The following PEX13 variants were observed in gnomAD, a reference collection of about 807,000 sequenced individuals.
PEX13 encodes peroxisome biogenesis factor 13.
In PEX13, 28 loss-of-function variants were observed where a neutral mutation model predicts 34.5. The ratio of observed to expected loss-of-function variants is 0.81; its 90% CI spans 0.60 to 1.11. PEX13 has a LOEUF of 1.11. Ranked by LOEUF, PEX13 falls within the 50% of genes most tolerant of loss-of-function variation. The probability of loss-of-function intolerance (pLI) is 0.00; values close to 1 mark genes in which losing one functional copy is unlikely to be tolerated. For missense variants in PEX13, 550 were observed against 491.0 expected (o/e 1.12, Z -1.13); for synonymous variants, 177 against 175.1 (o/e 1.01, Z -0.09).
chr2:61,025,911 A>G (rs1438525608), intron 1 of PEX13, among the ~76,000 whole-genome samples: 1 of 152,034 alleles, frequency 6.6e-6, no homozygotes, highest in Non-Finnish European at 1.5e-5. Context: ...TAAGGTCCCA[A>G]TCTGAAGTGT....
intron 2 of PEX13, among the ~76,000 whole-genome samples, chr2:61,040,857 G>C (rs1302685124): frequency 1.4e-5 from 2 of 147,394 alleles, no homozygotes; most frequent in African/African-American, 5.0e-5. Context: ...GTATATATAT[G>C]TGTATATATA....
At chr2:61,040,522 T>C (rs1408213495) in intron 2 of PEX13, among the ~76,000 whole-genome samples, 3 of 151,630 alleles carry the variant, frequency 2.0e-5, no homozygotes, top group Admixed American at 6.6e-5. Flanking sequence ...CACTCATAGG[T>C]GGGAGTTGAA....
At chr2:61,037,565 A>G (rs1474328160) in intron 2 of PEX13, among the ~76,000 whole-genome samples, 1 of 152,242 alleles carries the variant, frequency 6.6e-6, no homozygotes, top group African/African-American at 2.4e-5. Flanking sequence ...TTTCAAACCA[A>G]GGAAAACAAA....
intron 2 of PEX13, among the ~76,000 whole-genome samples, chr2:61,042,343 A>C (rs75828145): frequency 0.012 from 1,798 of 152,320 alleles, 23 homozygotes; most frequent in East Asian, 0.032. Flanking sequence ...ACTTAGTTAT[A>C]ACTTGATAGC....
intron 1 of PEX13, among the ~76,000 whole-genome samples, chr2:61,023,028 A>G (rs1455616507): frequency 1.3e-5 from 2 of 150,238 alleles, no homozygotes; most frequent in African/African-American, 2.5e-5. Flanking sequence ...TTTTTCAGAC[A>G]GTGTCTCACT....
rs145306412 is a variant in PEX13, at chr2:61,031,351, T to C, written c.93-68T>C. On this transcript the variant is annotated intron_variant, in intron 1 of 3. Transcript: ENST00000295030. ...ATAGCACCAGGTATATAGGAGATGT[T>C]TAATACTTACTTTGAATTGAATTTA... is the stretch of plus-strand genomic sequence containing the variant. 2.6e-6 allele frequency: 3 copies of C among 1,167,668 alleles called. No homozygotes were observed. In the East Asian group the frequency reaches 7.3e-5, roughly 28 times the overall value. 72.3% of individuals were successfully genotyped at this position (1,167,668 alleles called of 1,614,324 possible).
chr2:61,027,909 A>T (rs1680387978), intron 1 of PEX13, among the ~76,000 whole-genome samples: 1 of 152,234 alleles, frequency 6.6e-6, no homozygotes, highest in African/African-American at 2.4e-5. Context: ...TAAAAGAAAA[A>T]AAAATAGAGT....
chr2:61,043,674 A>G (rs1313584540), intron 2 of PEX13, among the ~76,000 whole-genome samples: 8 of 152,252 alleles, frequency 5.3e-5, no homozygotes, highest in Non-Finnish European at 1.5e-5. Flanking sequence ...ATTTGAATTT[A>G]TCATGTGTTA....
chr2:61,040,824 T>C (rs1434627663), intron 2 of PEX13, among the ~76,000 whole-genome samples: 2 of 147,918 alleles, frequency 1.4e-5, no homozygotes, highest in African/African-American at 2.5e-5. Context: ...ATATATATAA[T>C]ATATGTGTAT....
chr2:61,044,847 A>G (rs1281674802), intron 2 of PEX13, among the ~76,000 whole-genome samples: 1 of 152,256 alleles, frequency 6.6e-6, no homozygotes, highest in Admixed American at 6.5e-5. Flanking sequence ...TAACACAAGC[A>G]GTATCTCCAT....
intron 2 of PEX13, among the ~76,000 whole-genome samples, chr2:61,043,641 T>C (rs1410833192): frequency 6.6e-6 from 1 of 152,218 alleles, no homozygotes. Flanking sequence ...CATTGTATTA[T>C]CAGCAGCCAC....
At chr2:61,028,812 C>T (rs1680402421) in intron 1 of PEX13, among the ~76,000 whole-genome samples, 1 of 152,196 alleles carries the variant, frequency 6.6e-6, no homozygotes, top group African/African-American at 2.4e-5. Context: ...AGTGTGTGAG[C>T]CTTAATTGAA....
At chr2:61,029,757 A>C (rs1266871606) in intron 1 of PEX13, among the ~76,000 whole-genome samples, 1 of 151,548 alleles carries the variant, frequency 6.6e-6, no homozygotes, top group Non-Finnish European at 1.5e-5. Context: ...GGCTGCGGTG[A>C]GCTATGATCA....
At chr2:61,040,351 G>A (rs1210354189) in intron 2 of PEX13, among the ~76,000 whole-genome samples, 2 of 152,120 alleles carry the variant, frequency 1.3e-5, no homozygotes, top group African/African-American at 4.8e-5. Context: ...GTCCATCAAT[G>A]ATAGACTGGA....
chr2:61,027,355 A>C (rs892155728), intron 1 of PEX13, among the ~76,000 whole-genome samples: 3 of 150,712 alleles, frequency 2.0e-5, no homozygotes. Context: ...AAAAAAAACA[A>C]AACACACACA....
At chr2:61,045,631 T>C (rs977547000) in intron 2 of PEX13, 95 bp from the exon 3 acceptor site, 7 of 1,115,716 alleles carry the variant, frequency 6.3e-6, no homozygotes, top group Admixed American at 3.7e-5. Context: ...GACTTTTCTC[T>C]TGGCAAATTT....
intron 1 of PEX13, among the ~76,000 whole-genome samples, chr2:61,030,631 G>C (rs560462122): frequency 6.6e-6 from 1 of 152,290 alleles, no homozygotes; most frequent in Admixed American, 6.5e-5. Context: ...TTGTTAATGA[G>C]TTAACAATAT....
chr2:61,023,550 A>G (rs1008219148), intron 1 of PEX13, among the ~76,000 whole-genome samples: 5 of 152,096 alleles, frequency 3.3e-5, no homozygotes, highest in African/African-American at 1.2e-4. Context: ...TTTTGTTTGA[A>G]CACTAGTCTT....
In PEX13 at chr2:61,051,444, G is replaced by A. The variant is rs1680798047; in HGVS notation, c.*2674G>A. 6.6e-6 allele frequency: 1 copy of A among 152,280 alleles called. No individual in the cohort carries two copies. Among genetic ancestry groups the A allele is most frequent in the Non-Finnish European group, 1.5e-5 (1 of 68,016 alleles). 9.4% of individuals were successfully genotyped at this position (152,280 alleles called of 1,614,324 possible). The stretch of plus-strand genomic sequence containing the variant: ...ACTTTTGTAGGGGTGTTTATTGTTT[G>A]GTTAAGTCTGCTAAATTACGGTATG... On this transcript the variant is annotated 3_prime_UTR_variant, in exon 4 of 4. Transcript: ENST00000295030.
Sources: allele counts gnomAD v4.1 joint callset (sites outside exome capture counted in the v4.1 genomes callset), GRCh38; gene constraint gnomAD v4.1.1; transcripts MANE v1.5; gene names NCBI Gene and HGNC (gene_info 2026-07-23, HGNC 2026-07-21).